CPLX2: variants seen among roughly 807,000 people sequenced by gnomAD.
The protein encoded by CPLX2 is complexin 2, also known as complexin-2.
In CPLX2, 5 loss-of-function variants were observed where a neutral mutation model predicts 16.3. The ratio of observed to expected loss-of-function variants is 0.31; its 90% CI spans 0.16 to 0.64. The LOEUF is 0.64. Ranked by LOEUF, CPLX2 falls within the 30% of genes least tolerant of loss-of-function variation. The pLI, the probability that CPLX2 is intolerant of heterozygous loss-of-function variation, is 0.79. For synonymous variants in CPLX2, 89 were observed against 73.2 expected (o/e 1.22, Z -1.10); for missense variants, 144 against 181.4 (o/e 0.79, Z 1.18).
chr5:175,837,061 C>T (rs1290656827), intron 2 of CPLX2, among the ~76,000 whole-genome samples: 1 of 152,206 alleles, frequency 6.6e-6, no homozygotes, highest in Non-Finnish European at 1.5e-5. Flanking sequence ...AAAGGAAGCA[C>T]GGGGCCAAGG....
intron 2 of CPLX2, among the ~76,000 whole-genome samples, chr5:175,827,181 C>T (rs191618175): frequency 2.6e-5 from 4 of 152,338 alleles, no homozygotes; most frequent in Admixed American, 2.6e-4. Flanking sequence ...TCACTCTAGC[C>T]AGAGGGTGGA....
intron 2 of CPLX2, among the ~76,000 whole-genome samples, chr5:175,860,733 T>C (rs1759358158): frequency 6.6e-6 from 1 of 152,096 alleles, no homozygotes; most frequent in Non-Finnish European, 1.5e-5. Context: ...CCAATCACCA[T>C]GGCCAGGTGG....
In CPLX2 at chr5:175,882,842, A is replaced by ATGTGTGGCCAAGAGAGCCTGTC. The variant is rs1404996527; in HGVS notation, c.*2806_*2807insAAGAGAGCCTGTCTGTGTGGCC. The stretch of plus-strand genomic sequence containing the variant: ...CAGACCTGGCTGTGGAGAGCAGCTA[A>ATGTGTGGCCAAGAGAGCCTGTC]TGTGTGGCCCAGAGAGCCTGTCTGT... On this transcript the variant is annotated 3_prime_UTR_variant, in exon 4 of 4. Transcript: ENST00000393745. 6.6e-6 allele frequency: 1 copy of ATGTGTGGCCAAGAGAGCCTGTC among 152,484 alleles called. No individual in the cohort carries two copies. Among genetic ancestry groups the ATGTGTGGCCAAGAGAGCCTGTC allele is most frequent in the African/African-American group, 2.4e-5 (1 of 41,446 alleles). 9.4% of individuals were successfully genotyped at this position (152,484 alleles called of 1,614,324 possible).
rs373164330 is a variant in CPLX2 at position 175,831,391 on chromosome 5, C to T, written c.-89+22323C>T. Reference sequence around the variant, plus strand: ...TGGAACCCAGATTTGCTTCCTGGCTCCCAGGGCCCGTCTACTCAGTCACCC... The same window carrying T: ...TGGAACCCAGATTTGCTTCCTGGCTTCCAGGGCCCGTCTACTCAGTCACCC... On this transcript the variant is annotated intron_variant, in intron 2 of 4. Coordinates refer to the CPLX2 transcript ENST00000359546. Among the ~76,000 whole-genome samples, 674 of 152,252 alleles carry T rather than the reference C, an allele frequency of 4.4e-3. 5 individuals carry two copies. Among genetic ancestry groups the T allele is most frequent in the South Asian group, 0.023 (112 of 4,814 alleles).
intron 2 of CPLX2, among the ~76,000 whole-genome samples, chr5:175,844,214 G>C (rs1167565462): frequency 6.6e-6 from 1 of 152,246 alleles, no homozygotes; most frequent in African/African-American, 2.4e-5. Flanking sequence ...AAGAGGAACA[G>C]CCAGAGGCTG....
intron 2 of CPLX2, among the ~76,000 whole-genome samples, chr5:175,833,821 C>T (rs1758775620): frequency 6.6e-6 from 1 of 152,202 alleles, no homozygotes. Flanking sequence ...TTTGCCCAGA[C>T]CGCAGGCTCG....
rs927810885 is a variant in CPLX2 at position 175,872,518 on chromosome 5, T to G, written c.-89+813T>G. ...AGATCCAGGACAGAGCTGCTGGGGGTGTGGGTCTCCGCGGGGGTCCGGGAG... is the reference window on the plus strand; with the variant it reads ...AGATCCAGGACAGAGCTGCTGGGGGGGTGGGTCTCCGCGGGGGTCCGGGAG... On this transcript the variant is annotated intron_variant, in intron 1 of 3. Transcript: ENST00000393745. This position sits in a 1 kb window ranked among gnomAD's most constrained non-coding sequence, Gnocchi z 5.0. Among the ~76,000 whole-genome samples the G allele has an allele frequency of 1.3e-5, 2 of 151,178 alleles. No individual in the cohort carries two copies. Among genetic ancestry groups the G allele is most frequent in the African/African-American group, 4.9e-5 (2 of 41,072 alleles).
intron 2 of CPLX2, among the ~76,000 whole-genome samples, chr5:175,813,699 C>T (rs562442170): frequency 6.6e-6 from 1 of 152,314 alleles, no homozygotes; most frequent in Admixed American, 6.5e-5. Flanking sequence ...TGGGCACAGA[C>T]CATCGGGGAT....
In CPLX2 at chr5:175,880,220, A is replaced by C; in HGVS notation, c.*175A>C. 1.4e-6 allele frequency: 1 copy of C among 736,704 alleles called. No individual in the cohort carries two copies. The highest frequency in any genetic ancestry group is 2.5e-6 in the Non-Finnish European group (1 of 406,446). 45.6% of individuals were successfully genotyped at this position (736,704 alleles called of 1,614,324 possible). On this transcript the variant is annotated 3_prime_UTR_variant, in exon 4 of 4. Transcript: ENST00000393745. Reference sequence around the variant, plus strand: ...TCTCCCTCACACCTCCCTTCATCCCAGGGTATCCACCTGCACCCCACTCCC... The same window carrying C: ...TCTCCCTCACACCTCCCTTCATCCCCGGGTATCCACCTGCACCCCACTCCC...
At chr5:175,867,107 G>A (rs1759491959), upstream of CPLX2, among the ~76,000 whole-genome samples, 1 of 152,092 alleles carries the variant, frequency 6.6e-6, no homozygotes, top group African/African-American at 2.4e-5. Context: ...AAGGTGCTGG[G>A]GCTTTTGCAG....
chr5:175,880,539 G>A lies in CPLX2; in HGVS notation c.*494G>A. On this transcript the variant is annotated 3_prime_UTR_variant, in exon 4 of 4. Transcript: ENST00000393745. ...CCTGTCCCGGGAAGGCCCAGGCTGA[G>A]AGGCCCTGGCTCTGGCCAGGCTGGG... 5.4e-6 allele frequency: 1 copy of A among 186,422 alleles called. No individual in the cohort carries two copies. The highest frequency in any genetic ancestry group is 1.1e-5 in the Non-Finnish European group (1 of 89,120). The allele number at this position is 186,422 out of a possible 1,614,324, so 11.5% of individuals were successfully genotyped here.
chr5:175,833,417 C>T (rs181557795), intron 2 of CPLX2, among the ~76,000 whole-genome samples: 13 of 152,142 alleles, frequency 8.5e-5, no homozygotes, highest in Non-Finnish European at 1.5e-4. Flanking sequence ...CTCTAGGGTG[C>T]TCAAGTCTGT....
At position 175,797,327 on chromosome 5, in the gene CPLX2, C is replaced by A. The variant is rs1373926449; in HGVS notation, c.-169+543C>A. On this transcript the variant is annotated intron_variant, in intron 1 of 4. Coordinates refer to the CPLX2 transcript ENST00000359546. The stretch of plus-strand genomic sequence containing the variant: ...GGGGCCTAGCACAGCCGCGCGTCTC[C>A]GGCTTGGGTCCGCCGCCCGCCGAGG... Among the ~76,000 whole-genome samples the A allele has an allele frequency of 2.0e-5, 3 of 152,236 alleles. No individual in the cohort carries two copies. In the South Asian group the frequency reaches 6.2e-4, roughly 32 times the overall value.
chr5:175,811,633 G>A (rs1472773081), intron 2 of CPLX2, among the ~76,000 whole-genome samples: 2 of 152,060 alleles, frequency 1.3e-5, no homozygotes, highest in African/African-American at 2.4e-5. Context: ...TGGGCCCACC[G>A]AGAGAGAAGC....
chr5:175,853,411 CTT>C lies in CPLX2; in HGVS notation c.-88-25240_-88-25239del, dbSNP rs111968308. On this transcript the variant is annotated intron_variant, in intron 2 of 4. Coordinates refer to the CPLX2 transcript ENST00000359546. ...CCCTCCTCCGAGAGCTGCCCGGCCT[CTT>C]GTCTTTCAGGGTTGTACAGAGGCTG... Among the ~76,000 whole-genome samples the C allele has an allele frequency of 1.6e-3, 250 of 152,238 alleles. 1 individual carries two copies. The highest frequency in any genetic ancestry group is 5.6e-3 in the African/African-American group (232 of 41,528).
intron 1 of CPLX2, among the ~76,000 whole-genome samples, chr5:175,808,039 G>A (rs1472232198): frequency 7.0e-6 from 1 of 141,846 alleles, no homozygotes; most frequent in Non-Finnish European, 1.6e-5. Context: ...ATAGAGAGCT[G>A]GGGGAGGAGG....
intron 2 of CPLX2, among the ~76,000 whole-genome samples, chr5:175,821,163 CTG>C (rs1278096650): frequency 6.6e-6 from 1 of 152,178 alleles, no homozygotes; most frequent in Non-Finnish European, 1.5e-5. Context: ...CCTGAGCAAA[CTG>C]AGTCCTTTCC....
chr5:175,851,234 T>C (rs1759148292), intron 2 of CPLX2, among the ~76,000 whole-genome samples: 1 of 152,088 alleles, frequency 6.6e-6, no homozygotes, highest in Admixed American at 6.6e-5. Flanking sequence ...GGGGAGCCCC[T>C]TAATGAAACA....
intron 2 of CPLX2, among the ~76,000 whole-genome samples, chr5:175,810,782 C>T (rs928382720): frequency 6.6e-6 from 1 of 152,204 alleles, no homozygotes; most frequent in Non-Finnish European, 1.5e-5. Context: ...TTGACAAAGG[C>T]TTTTTGTGAA....
Sources: gnomAD v4.1 joint callset for allele counts (sites outside exome capture counted in the v4.1 genomes callset) on GRCh38, gnomAD v4.1.1 for gene constraint, Gnocchi (gnomAD v3.1) non-coding constraint, MANE v1.5 for transcripts, NCBI Gene and HGNC (gene_info 2026-07-23, HGNC 2026-07-21) for gene names.